The following PRKN variants were observed in gnomAD, a reference collection of about 807,000 sequenced individuals.
PRKN encodes E3 ubiquitin-protein ligase parkin.
Under a neutral mutation model 59.5 loss-of-function variants are expected in PRKN, and 56 were observed. The ratio of observed to expected loss-of-function variants is 0.94; its 90% confidence interval spans 0.76 to 1.18. PRKN has a LOEUF of 1.18. Among genes scored for constraint, PRKN ranks in the 50% most tolerant of loss-of-function variants. The pLI is 0.00. For synonymous variants in PRKN, 250 were observed against 222.1 expected (o/e 1.13, Z -1.12); for missense variants, 657 against 596.4 (o/e 1.10, Z -1.06).
intron 1 of PRKN, among the ~76,000 whole-genome samples, chr6:162,585,099 C>A (rs1271616207): frequency 7.3e-5 from 11 of 151,154 alleles, no homozygotes; most frequent in African/African-American, 2.4e-4. Context: ...CTGGGTTTCA[C>A]CATCTTGGCC....
At chr6:161,727,039 C>T (rs147229784) in intron 7 of PRKN, among the ~76,000 whole-genome samples, 27 of 152,190 alleles carry the variant, frequency 1.8e-4, no homozygotes, top group African/African-American at 2.6e-4. Flanking sequence ...AGTGTCTGGA[C>T]GAGGCGGATC....
intron 2 of PRKN, among the ~76,000 whole-genome samples, chr6:162,351,263 G>T (rs903150444): frequency 6.6e-6 from 1 of 152,084 alleles, no homozygotes; most frequent in Non-Finnish European, 1.5e-5. Context: ...ATAAAAAAAT[G>T]GGCAAAAGAT....
At chr6:162,456,764 C>T (rs1007287495) in intron 1 of PRKN, among the ~76,000 whole-genome samples, 3 of 152,110 alleles carry the variant, frequency 2.0e-5, no homozygotes, top group African/African-American at 7.2e-5. Context: ...TGTTTAAAGA[C>T]AGCTTGTTTA....
At position 161,348,017 on chromosome 6, in the gene PRKN, A is replaced by G. The variant is rs1467724213; in HGVS notation, c.*2082T>C. 5.5e-6 allele frequency: 1 copy of G among 180,836 alleles called. No individual in the cohort carries two copies. Among genetic ancestry groups the G allele is most frequent in the Non-Finnish European group, 1.2e-5 (1 of 84,760 alleles). The allele number at this position is 180,836 out of a possible 1,614,324, so 11.2% of individuals were successfully genotyped here. ...ATGCTGGACAGCCTAATAGTCTAAC[A>G]GGGGATCCTAGGGTGCCTGAGCTCA... On this transcript the variant is annotated 3_prime_UTR_variant, in exon 12 of 12. Transcript: ENST00000366898. This position sits in a 1 kb window ranked among gnomAD's most constrained non-coding sequence, Gnocchi z 4.9.
intron 2 of PRKN, among the ~76,000 whole-genome samples, chr6:162,424,527 A>T (rs1789129380): frequency 6.6e-6 from 1 of 152,044 alleles, no homozygotes; most frequent in Non-Finnish European, 1.5e-5. Flanking sequence ...CTAAGTCAGG[A>T]GTTCAAGACC....
chr6:162,551,767 T>A lies in PRKN; in HGVS notation c.8-108294A>T, dbSNP rs185695329. Among the ~76,000 whole-genome samples, 7 of 152,366 alleles carry A rather than the reference T, an allele frequency of 4.6e-5. No homozygotes were observed. The East Asian group carries it at 1.4e-3, about 29-fold the overall frequency. ...TTGAAGAAACAGACCATTTCTTCTC[T>A]TGTCCTCCACAATCCTTGAATATTT... is the stretch of plus-strand genomic sequence containing the variant. On this transcript the variant is annotated intron_variant, in intron 1 of 11. Transcript: ENST00000366898.
intron 1 of PRKN, among the ~76,000 whole-genome samples, chr6:162,445,511 A>AC (rs1402831481): frequency 2.0e-5 from 3 of 151,758 alleles, no homozygotes; most frequent in Admixed American, 6.6e-5. Flanking sequence ...ACAAAGTGAG[A>AC]CCCCATCTCT....
In PRKN at chr6:161,427,154, GACT is replaced by G. The variant is rs138047150; in HGVS notation, c.1084-40280_1084-40278del. On this transcript the variant is annotated intron_variant, in intron 9 of 11. Transcript: ENST00000366898. ...CCACCTCAGCCTCCCTGGTAGCTGG[GACT>G]ACTGATATGCACCACAACACTCAGC... Among the ~76,000 whole-genome samples the G allele has an allele frequency of 4.8e-3, 726 of 152,230 alleles. 9 individuals carry two copies. The highest frequency in any genetic ancestry group is 0.047 in the East Asian group (241 of 5,166).
chr6:161,814,808 T>C (rs1203803822), intron 6 of PRKN, among the ~76,000 whole-genome samples: 1 of 152,162 alleles, frequency 6.6e-6, no homozygotes, highest in South Asian at 2.1e-4. Flanking sequence ...AGCCGGGAAC[T>C]GCCTTTCATA....
intron 6 of PRKN, among the ~76,000 whole-genome samples, chr6:161,922,639 T>G (rs935217151): frequency 1.3e-5 from 2 of 152,112 alleles, no homozygotes; most frequent in African/African-American, 2.4e-5. Context: ...GTAACTAACA[T>G]AGGTCAGCAT....
chr6:162,494,439 T>A lies in PRKN; in HGVS notation c.8-50966A>T, dbSNP rs1395819960. Among the ~76,000 whole-genome samples the A allele has an allele frequency of 2.6e-5, 4 of 152,268 alleles. No homozygotes were observed. In the East Asian group the frequency reaches 7.7e-4, roughly 29 times the overall value. On this transcript the variant is annotated intron_variant, in intron 1 of 11. Coordinates refer to ENST00000366898, the MANE Select transcript of PRKN (RefSeq NM_004562.3). Reference sequence around the variant, plus strand: ...AGCATCAGGGTTGAGATTTTCTTGCTCTCCCCCACTTCATATCAACCTTCT... The same window carrying A: ...AGCATCAGGGTTGAGATTTTCTTGCACTCCCCCACTTCATATCAACCTTCT...
chr6:161,449,426 C>T (rs569148595), intron 9 of PRKN, among the ~76,000 whole-genome samples: 8 of 152,256 alleles, frequency 5.3e-5, no homozygotes, highest in East Asian at 3.9e-4. Context: ...CACTGCTCAT[C>T]GTGGGCCCCA....
intron 2 of PRKN, among the ~76,000 whole-genome samples, chr6:162,351,250 C>A (rs1470568212): frequency 6.6e-6 from 1 of 151,762 alleles, no homozygotes; most frequent in Non-Finnish European, 1.5e-5. Context: ...AGAAAACAAC[C>A]CAATAAAAAA....
intron 2 of PRKN, among the ~76,000 whole-genome samples, chr6:162,367,453 G>C (rs558610821): frequency 3.9e-5 from 6 of 152,216 alleles, no homozygotes; most frequent in African/African-American, 1.4e-4. Context: ...ATTTGTATGA[G>C]TGTATTTTAA....
chr6:161,559,256 C>T (rs780450701), intron 8 of PRKN, among the ~76,000 whole-genome samples: 5 of 152,052 alleles, frequency 3.3e-5, no homozygotes, highest in Non-Finnish European at 5.9e-5. Flanking sequence ...ATGTGTGACA[C>T]GGAGCAGCAC....
At chr6:161,490,050 A>T (rs1777490281) in intron 9 of PRKN, among the ~76,000 whole-genome samples, 1 of 152,332 alleles carries the variant, frequency 6.6e-6, no homozygotes, top group South Asian at 2.1e-4. Context: ...AGCTGTTAGG[A>T]TATTCCAACT....
intron 8 of PRKN, among the ~76,000 whole-genome samples, chr6:161,556,126 T>C (rs2115446991): frequency 6.6e-6 from 1 of 152,314 alleles, no homozygotes; most frequent in East Asian, 1.9e-4. Context: ...GTCTCAAATA[T>C]TGATGGAATT....
At chr6:161,948,153 T>C (rs1220749910) in intron 6 of PRKN, among the ~76,000 whole-genome samples, 5 of 152,078 alleles carry the variant, frequency 3.3e-5, no homozygotes, top group Admixed American at 3.3e-4. Flanking sequence ...GCCTGACTAA[T>C]TTCTGTATTT....
chr6:161,734,776 A>G (rs1787895982), intron 7 of PRKN, among the ~76,000 whole-genome samples: 1 of 152,188 alleles, frequency 6.6e-6, no homozygotes, highest in Admixed American at 6.5e-5. Flanking sequence ...TGAGTGAATA[A>G]GGTATGTACA....
Sources: gnomAD v4.1 joint callset for allele counts (sites outside exome capture counted in the v4.1 genomes callset) on GRCh38, gnomAD v4.1.1 for gene constraint, Gnocchi (gnomAD v3.1) non-coding constraint, MANE v1.5 for transcripts, NCBI Gene and HGNC (gene_info 2026-07-23, HGNC 2026-07-21) for gene names.